C9orf152: variants seen among roughly 807,000 people sequenced by gnomAD.
C9orf152 encodes the protein chromosome 9 open reading frame 152, also known as uncharacterized protein C9orf152.
Under a neutral mutation model 8.5 loss-of-function variants are expected in C9orf152, and 8 were observed. That is an observed-to-expected ratio of 0.94 (90% CI 0.55 to 1.70). The LOEUF is 1.70. Among genes scored for constraint, C9orf152 ranks in the 40% most tolerant of loss-of-function variants. The pLI is 0.00. For missense variants in C9orf152, 293 were observed against 286.2 expected (o/e 1.02, Z -0.17); for synonymous variants, 109 against 113.0 (o/e 0.96, Z 0.22).
intron 1 of C9orf152, among the ~76,000 whole-genome samples, chr9:110,206,994 C>T (rs1837280024): frequency 6.6e-6 from 1 of 152,198 alleles, no homozygotes; most frequent in Non-Finnish European, 1.5e-5. Context: ...AGACAGTTCC[C>T]AGGCTGTTGG....
chr9:110,206,058 C>CAA (rs112400299), intron 1 of C9orf152, among the ~76,000 whole-genome samples: 7,644 of 144,828 alleles, frequency 0.053, 302 homozygotes, highest in African/African-American at 0.11. Flanking sequence ...GAATCTGTCT[C>CAA]AAAAAAAAAA....
At position 110,200,750 on chromosome 9, in the gene C9orf152, A is replaced by G. The variant is rs1837204961; in HGVS notation, c.*198T>C. On this transcript the variant is annotated 3_prime_UTR_variant, in exon 2 of 2. Coordinates refer to ENST00000400613, the MANE Select transcript of C9orf152 (RefSeq NM_001012993.3). ...TCCTCTTCATCCTAAACTGTGGGCA[A>G]TTTGGCCTGGGAAGTCTCTTCTTAT... 1 of 585,124 alleles carries G rather than the reference A, an allele frequency of 1.7e-6. No individual in the cohort carries two copies. The highest frequency in any genetic ancestry group is 2.9e-6 in the Non-Finnish European group (1 of 339,040). The allele number at this position is 585,124 out of a possible 1,614,324, so 36.2% of individuals were successfully genotyped here. A position where few individuals can be genotyped will look rare whatever the true frequency, so the allele number is the denominator to read the frequency against.
In C9orf152 at chr9:110,207,850, C is replaced by A; in HGVS notation, c.-271G>T. The A allele has an allele frequency of 1.1e-5, 4 of 379,984 alleles. No individual in the cohort carries two copies. The highest frequency in any genetic ancestry group is 1.9e-5 in the Non-Finnish European group (4 of 215,502). The allele number at this position is 379,984 out of a possible 1,614,324, so 23.5% of individuals were successfully genotyped here. A position where few individuals can be genotyped will look rare whatever the true frequency, so the allele number is the denominator to read the frequency against. On this transcript the variant is annotated 5_prime_UTR_variant, in exon 1 of 2. Coordinates refer to ENST00000400613, the MANE Select transcript of C9orf152 (RefSeq NM_001012993.3). Reference sequence around the variant, plus strand: ...AAATGTCAGAGGAAAGAAGGGGCAGCGAAGGGGGAAAGACTGGAGGAAGGA... The same window carrying A: ...AAATGTCAGAGGAAAGAAGGGGCAGAGAAGGGGGAAAGACTGGAGGAAGGA...
At chr9:110,203,780 C>T (rs1290253367) in intron 1 of C9orf152, among the ~76,000 whole-genome samples, 1 of 152,156 alleles carries the variant, frequency 6.6e-6, no homozygotes, top group Non-Finnish European at 1.5e-5. Flanking sequence ...ATTCACTTTG[C>T]CAGAAGATAC....
In C9orf152 at chr9:110,207,900, A is replaced by T; in HGVS notation, c.-321T>A. The T allele has an allele frequency of 3.8e-6, 1 of 264,032 alleles. No homozygotes were observed. 16.4% of individuals were successfully genotyped at this position (264,032 alleles called of 1,614,324 possible). Reference sequence around the variant, plus strand: ...AGGTGATAGTGACAAGCGGGGATTAATGGGGCGAGAGAAGAAAGAGAGGGA... The same window carrying T: ...AGGTGATAGTGACAAGCGGGGATTATTGGGGCGAGAGAAGAAAGAGAGGGA... On this transcript the variant is annotated 5_prime_UTR_variant, in exon 1 of 2. Transcript: ENST00000400613.
In C9orf152 at chr9:110,207,475, G is replaced by A; in HGVS notation, c.105C>T (p.Pro35=). Residue 35 remains proline (P), a synonymous_variant, in exon 1 of 2, where the codon CCC becomes CCT. Transcript: ENST00000400613. ...CTCGCAGGAACTGGATGCTGAGTGG[G>A]GGCCCTTTCCCAGGGGCCTGAGTCC... The part of the protein sequence containing the change: ...GSRTQAPGKG[P]PLSIQFLRAQ... 1 of 1,613,532 alleles carries A rather than the reference G, an allele frequency of 6.2e-7. No homozygotes were observed. Among genetic ancestry groups the A allele is most frequent in the African/African-American group, 1.3e-5 (1 of 75,040 alleles).
At chr9:110,203,077 C>G (rs557983681) in intron 1 of C9orf152, among the ~76,000 whole-genome samples, 147 of 145,242 alleles carry the variant, frequency 1.0e-3, no homozygotes, top group African/African-American at 3.7e-3. Context: ...TGCAATGGCG[C>G]GATCTTGGCT....
intron 1 of C9orf152, 109 bp from the exon 2 acceptor site, chr9:110,201,583 C>A: frequency 1.2e-6 from 1 of 825,470 alleles, no homozygotes; most frequent in Non-Finnish European, 1.8e-6. Flanking sequence ...CCAGAAGGTT[C>A]CTGGTACATT....
chr9:110,204,129 T>G (rs1280724324), intron 1 of C9orf152, among the ~76,000 whole-genome samples: 2 of 152,144 alleles, frequency 1.3e-5, no homozygotes, highest in African/African-American at 2.4e-5. Flanking sequence ...AGCCCAGATA[T>G]AAGTCCCGAC....
chr9:110,205,451 G>A (rs1462659429), intron 1 of C9orf152, among the ~76,000 whole-genome samples: 1 of 152,140 alleles, frequency 6.6e-6, no homozygotes, highest in Non-Finnish European at 1.5e-5. Flanking sequence ...CACATTCAGT[G>A]CTAGTGTTTC....
chr9:110,207,574 C>CTCCA lies in C9orf152; in HGVS notation c.2_5dup (p.Glu2AspfsTer18). ...GGGCTGGGCACGGGCAGGGCAACCCCTCCATCCGGATCCGGGAGAAAAGCA... is the reference window on the plus strand; with the variant it reads ...GGGCTGGGCACGGGCAGGGCAACCCCTCCATCCATCCGGATCCGGGAGAAAAGCA... On this transcript the variant is annotated frameshift_variant, in exon 1 of 2. Coordinates refer to ENST00000400613, the MANE Select transcript of C9orf152 (RefSeq NM_001012993.3). LOFTEE classifies it high-confidence loss of function. The CTCCA allele has an allele frequency of 6.3e-7, 1 of 1,586,516 alleles. No individual in the cohort carries two copies.
intron 1 of C9orf152, among the ~76,000 whole-genome samples, chr9:110,206,502 G>A (rs1435258869): frequency 1.3e-5 from 2 of 152,316 alleles, no homozygotes; most frequent in East Asian, 3.9e-4. Flanking sequence ...GTTCACTCCT[G>A]CCAGGAACGA....
chr9:110,202,979 G>A (rs1837239141), intron 1 of C9orf152, among the ~76,000 whole-genome samples: 1 of 146,194 alleles, frequency 6.8e-6, no homozygotes, highest in Admixed American at 6.8e-5. Context: ...TAATTCCTTA[G>A]TATTATTTTC....
At position 110,208,057 on chromosome 9, in the gene C9orf152, G is replaced by A. The variant is rs1837298230; in HGVS notation, c.-478C>T. 6.3e-6 allele frequency: 1 copy of A among 158,986 alleles called. No individual in the cohort carries two copies. The highest frequency in any genetic ancestry group is 1.4e-5 in the Non-Finnish European group (1 of 73,172). 9.8% of individuals were successfully genotyped at this position (158,986 alleles called of 1,614,324 possible). A position where few individuals can be genotyped will look rare whatever the true frequency, so the allele number is the denominator to read the frequency against. ...GCTCAGAGCCCTTCAGGGGGGTCAAGAAGGTGTCTTATTCCAGGTCCTTCC... is the reference window on the plus strand; with the variant it reads ...GCTCAGAGCCCTTCAGGGGGGTCAAAAAGGTGTCTTATTCCAGGTCCTTCC... On this transcript the variant is annotated 5_prime_UTR_variant, in exon 1 of 2. Coordinates refer to ENST00000400613, the MANE Select transcript of C9orf152 (RefSeq NM_001012993.3).
Position 110,200,980 on chromosome 9 carries a change from C to A in C9orf152, c.688G>T (p.Ala230Ser), listed in dbSNP as rs1362234885. 2 of 1,613,058 alleles carry A rather than the reference C, an allele frequency of 1.2e-6. No homozygotes were observed. Among genetic ancestry groups the A allele is most frequent in the South Asian group, 1.1e-5 (1 of 90,788 alleles). The change falls in exon 2 of 2, where the codon GCC (alanine) becomes TCC (serine). Residue 230 changes from alanine to serine, a missense_variant. By Grantham distance (99) the Ala-to-Ser change is moderately conservative. Coordinates refer to ENST00000400613, the MANE Select transcript of C9orf152 (RefSeq NM_001012993.3). ...QRKTPRISQA[A>S]RNLGLYGSA ...GAGCCATATAAGCCCAGGTTCCGGGCAGCTTGGGAGATCCTGGGTGTTTTC... is the reference window on the plus strand; with the variant it reads ...GAGCCATATAAGCCCAGGTTCCGGGAAGCTTGGGAGATCCTGGGTGTTTTC...
At chr9:110,206,728 A>T (rs531589462) in intron 1 of C9orf152, among the ~76,000 whole-genome samples, 2 of 152,190 alleles carry the variant, frequency 1.3e-5, no homozygotes, top group Admixed American at 6.5e-5. Flanking sequence ...CCCAGCTTTG[A>T]CCTTTCAGGG....
rs376699609 is a variant in C9orf152 at position 110,201,311 on chromosome 9, C to T, written c.357G>A (p.Thr119=). 2.7e-5 allele frequency: 44 copies of T among 1,613,300 alleles called. No homozygotes were observed. Among genetic ancestry groups the T allele is most frequent in the East Asian group, 6.7e-5 (3 of 44,878 alleles). ...CLQAPKSPWH[T]HLEMHCLVQT... is the part of the protein sequence containing the mutation. ...GGACCAAACAATGCATCTCCAGGTG[C>T]GTGTGCCATGGAGACTTGGGGGCCT... is the stretch of plus-strand genomic sequence containing the variant. The change falls in exon 2 of 2, where the codon ACG becomes ACA. Residue 119 remains threonine, a synonymous_variant. Coordinates refer to ENST00000400613, the MANE Select transcript of C9orf152 (RefSeq NM_001012993.3).
Position 110,201,197 on chromosome 9 carries a change from T to G in C9orf152, c.471A>C (p.Thr157=). Residue 157 remains threonine (T), a synonymous_variant, in exon 2 of 2, where the codon ACA becomes ACC. Transcript: ENST00000400613. Reference sequence around the variant, plus strand: ...TCATCTGATTGGTTTCAAACAAGTGTGTGTCTCCTTCAGGAGGGAGCCTTT... The same window carrying G: ...TCATCTGATTGGTTTCAAACAAGTGGGTGTCTCCTTCAGGAGGGAGCCTTT... ...SDQRLPPEGD[T]HLFETNQMTQ... 6.2e-7 allele frequency: 1 copy of G among 1,614,200 alleles called. No individual in the cohort carries two copies. The highest frequency in any genetic ancestry group is 1.1e-5 in the South Asian group (1 of 91,084).
At position 110,200,302 on chromosome 9, in the gene C9orf152, T is replaced by C. The variant is rs748845406; in HGVS notation, c.*646A>G. ...ACATGTCTCAGTGAGCAGTGACAGA[T>C]GATTAGCCCTTTCTAAAGACCCCTT... On this transcript the variant is annotated 3_prime_UTR_variant, in exon 2 of 2. Coordinates refer to ENST00000400613, the MANE Select transcript of C9orf152 (RefSeq NM_001012993.3). The C allele has an allele frequency of 6.6e-6, 1 of 152,224 alleles. No homozygotes were observed. Among genetic ancestry groups the C allele is most frequent in the Non-Finnish European group, 1.5e-5 (1 of 68,096 alleles). The allele number at this position is 152,224 out of a possible 1,614,324, so 9.4% of individuals were successfully genotyped here.
Sources: gnomAD v4.1 joint callset for allele counts (sites outside exome capture counted in the v4.1 genomes callset) on GRCh38, gnomAD v4.1.1 for gene constraint, MANE v1.5 for transcripts, NCBI Gene and HGNC (gene_info 2026-07-23, HGNC 2026-07-21) for gene names.